The following MGA variants were observed in gnomAD, a reference collection of about 807,000 sequenced individuals.
The protein encoded by MGA is MAX gene-associated protein.
Under a neutral mutation model 261.1 loss-of-function variants are expected in MGA, and 40 were observed. The ratio of observed to expected loss-of-function variants is 0.15; its 90% CI spans 0.12 to 0.20. The LOEUF (loss-of-function observed/expected upper bound fraction) is 0.20, where lower values mean the gene tolerates loss of function less well. Ranked by LOEUF, MGA falls within the 10% of genes least tolerant of loss-of-function variation. The pLI is 1.00. For synonymous variants in MGA, 1,302 were observed against 1,290.6 expected (o/e 1.01, Z -0.19); for missense variants, 3,397 against 3,630.5 (o/e 0.94, Z 1.65).
intron 2 of MGA, among the ~76,000 whole-genome samples, chr15:41,691,196 TG>T (rs1363967683): frequency 6.6e-6 from 1 of 152,170 alleles, no homozygotes; most frequent in African/African-American, 2.4e-5. Flanking sequence ...CTATTTATTT[TG>T]GTCTTTAATT....
chr15:41,694,878 C>G (rs1260419234), intron 2 of MGA, among the ~76,000 whole-genome samples: 4 of 152,118 alleles, frequency 2.6e-5, no homozygotes, highest in African/African-American at 9.7e-5. Context: ...ACAAGCAGTC[C>G]TGGCACCTCA....
Position 41,710,813 on chromosome 15 carries a change from A to C in MGA, c.2548A>C (p.Thr850Pro). The C allele has an allele frequency of 1.2e-6, 2 of 1,614,000 alleles. No individual in the cohort carries two copies. The highest frequency in any genetic ancestry group is 1.7e-6 in the Non-Finnish European group (2 of 1,179,882). Residue 850 changes from threonine (T) to proline (P), a missense_variant, in exon 8 of 24, where the codon ACA becomes CCA. By Grantham distance (38) the Thr-to-Pro change is conservative. Coordinates refer to ENST00000219905, the MANE Select transcript of MGA (RefSeq NM_001164273.2). Reference sequence around the variant, plus strand: ...CATGGGTTTTTCTTCTAATGCTCCCACATCTCCTGTGGTGTACCAGCTTCC... The same window carrying C: ...CATGGGTTTTTCTTCTAATGCTCCCCCATCTCCTGTGGTGTACCAGCTTCC...
chr15:41,739,911 T>C (rs758953466), intron 13 of MGA: 1 of 1,611,484 alleles, frequency 6.2e-7, no homozygotes, highest in Non-Finnish European at 8.5e-7. Flanking sequence ...TTCAGGTTAA[T>C]GGTAAGAGTT....
At chr15:41,718,014 C>CA (rs759110458) in intron 9 of MGA, among the ~76,000 whole-genome samples, 1,306 of 90,212 alleles carry the variant, frequency 0.014, 11 homozygotes, top group African/African-American at 0.046. Flanking sequence ...GACCCTGTCT[C>CA]AAAAAAAAAA....
chr15:41,768,252 C>A lies in MGA; in HGVS notation c.*972C>A, dbSNP rs1031448651. The stretch of plus-strand genomic sequence containing the variant: ...ATGTAAAGAAAAGTCACAGTAGGCA[C>A]TCTTTACCAGGGAAATAAGGCAGTA... On this transcript the variant is annotated 3_prime_UTR_variant, in exon 24 of 24. Transcript: ENST00000219905. The A allele has an allele frequency of 6.6e-6, 1 of 152,636 alleles. No individual in the cohort carries two copies. The highest frequency in any genetic ancestry group is 1.9e-4 in the East Asian group (1 of 5,198). 9.5% of individuals were successfully genotyped at this position (152,636 alleles called of 1,614,324 possible). A position where few individuals can be genotyped will look rare whatever the true frequency, so the allele number is the denominator to read the frequency against.
intron 19 of MGA, 46 bp from the exon 20 acceptor site, chr15:41,760,276 GC>G (rs748814010): frequency 2.5e-6 from 4 of 1,579,402 alleles, no homozygotes; most frequent in Middle Eastern, 1.7e-4. Context: ...GAGTAAGAGG[GC>G]CAACTACATG....
chr15:41,728,542 A>T (rs1013322437), intron 10 of MGA, among the ~76,000 whole-genome samples: 1 of 152,224 alleles, frequency 6.6e-6, no homozygotes, highest in African/African-American at 2.4e-5. Flanking sequence ...AGCTATAGAA[A>T]AGAAAATGTT....
rs377516855 is a variant in MGA, at chr15:41,640,445, G to A, written c.-68+19147G>A. Reference sequence around the variant, plus strand: ...TAGAGAAGCGATACAGTTTCTTATCGTTGATGTAAGATTGTACATCATTTG... The same window carrying A: ...TAGAGAAGCGATACAGTTTCTTATCATTGATGTAAGATTGTACATCATTTG... On this transcript the variant is annotated intron_variant, in intron 1 of 8. Transcript: ENST00000566718. Among the ~76,000 whole-genome samples, 6 of 152,222 alleles carry A rather than the reference G, an allele frequency of 3.9e-5. No individual in the cohort carries two copies. The South Asian group carries it at 1.0e-3, about 26-fold the overall frequency.
intron 11 of MGA, 24 bp downstream of exon 11, chr15:41,729,373 C>G (rs758620160): frequency 1.3e-6 from 2 of 1,586,014 alleles, no homozygotes; most frequent in East Asian, 2.2e-5. Flanking sequence ...TGCATAAGTT[C>G]TTTTTAACTT....
chr15:41,639,475 C>T (rs1219261578), intron 1 of MGA, among the ~76,000 whole-genome samples: 2 of 151,372 alleles, frequency 1.3e-5, no homozygotes, highest in Non-Finnish European at 2.9e-5. Context: ...GTTGGATCCC[C>T]CTATCTAATT....
At chr15:41,653,081 G>A (rs2057100444) in intron 1 of MGA, among the ~76,000 whole-genome samples, 1 of 151,962 alleles carries the variant, frequency 6.6e-6, no homozygotes, top group Admixed American at 6.6e-5. Flanking sequence ...TTTAAAACAG[G>A]TGTAGCTGGG....
chr15:41,671,865 A>G (rs1212489939), intron 2 of MGA, among the ~76,000 whole-genome samples: 2 of 152,190 alleles, frequency 1.3e-5, no homozygotes, highest in African/African-American at 2.4e-5. Flanking sequence ...CAAGCAATGC[A>G]TAGTTTTTTT....
chr15:41,729,056 A>G (rs1239078623), intron 10 of MGA, 108 bp from the exon 11 acceptor site: 14 of 1,166,254 alleles, frequency 1.2e-5, no homozygotes, highest in African/African-American at 3.1e-5. Flanking sequence ...TTTGCATTAA[A>G]AAATTTCGAC....
chr15:41,690,547 A>T (rs2059222159), intron 2 of MGA, among the ~76,000 whole-genome samples: 1 of 152,108 alleles, frequency 6.6e-6, no homozygotes, highest in African/African-American at 2.4e-5. Flanking sequence ...CTGTATATCT[A>T]GTCTTAATGT....
chr15:41,655,069 C>G (rs2057136374), intron 1 of MGA, among the ~76,000 whole-genome samples: 1 of 151,994 alleles, frequency 6.6e-6, no homozygotes, highest in Admixed American at 6.6e-5. Flanking sequence ...AGATACTGTC[C>G]CCTGCAGGAT....
In MGA at chr15:41,669,015, T is replaced by C. The variant is rs779139456; in HGVS notation, c.121T>C (p.Leu41=). 3 of 1,613,562 alleles carry C rather than the reference T, an allele frequency of 1.9e-6. No individual in the cohort carries two copies. The highest frequency in any genetic ancestry group is 1.7e-5 in the Admixed American group (1 of 59,986). ...AAATGGCAAAACTGATCAAGGAATT[T>C]TGGTTACTAATCAGGATGCCTGTGC... Residue 41 remains leucine, a synonymous_variant, in exon 2 of 24, where the codon TTG becomes CTG. Transcript: ENST00000219905.
At chr15:41,672,099 G>C (rs746828079) in intron 2 of MGA, among the ~76,000 whole-genome samples, 4 of 152,198 alleles carry the variant, frequency 2.6e-5, no homozygotes, top group Non-Finnish European at 5.9e-5. Context: ...AGAATTTATT[G>C]AAATTCCTTT....
At position 41,767,388 on chromosome 15, in the gene MGA, C is replaced by A; in HGVS notation, c.*108C>A. 1 of 1,178,046 alleles carries A rather than the reference C, an allele frequency of 8.5e-7. No individual in the cohort carries two copies. Among genetic ancestry groups the A allele is most frequent in the Non-Finnish European group, 1.2e-6 (1 of 836,350 alleles). The allele number at this position is 1,178,046 out of a possible 1,614,324, so 73.0% of individuals were successfully genotyped here. Reference sequence around the variant, plus strand: ...GTCTTAGAACTTGGATCCTTGACTTCAATGATGCAGTGGATAATGATGGGA... The same window carrying A: ...GTCTTAGAACTTGGATCCTTGACTTAAATGATGCAGTGGATAATGATGGGA... On this transcript the variant is annotated 3_prime_UTR_variant, in exon 24 of 24. Transcript: ENST00000219905.
rs969452020 is a variant in MGA, at chr15:41,749,497, G to T, written c.5890G>T (p.Ala1964Ser). 6.2e-7 allele frequency: 1 copy of T among 1,613,940 alleles called. No homozygotes were observed. Among genetic ancestry groups the T allele is most frequent in the Admixed American group, 1.7e-5 (1 of 60,012 alleles). The change falls in exon 17 of 24, where the codon GCT becomes TCT. Residue 1964 changes from alanine to serine, a missense_variant. Ala to Ser is a moderately conservative substitution (Grantham distance 99, BLOSUM62 1). Transcript: ENST00000219905. Reference sequence around the variant, plus strand: ...TCCTAGCTCCATTCTTCAGCATGTTGCTTCCCTTCAGATGAAGAGAGAATC... The same window carrying T: ...TCCTAGCTCCATTCTTCAGCATGTTTCTTCCCTTCAGATGAAGAGAGAATC...
Sources: allele counts gnomAD v4.1 joint callset (sites outside exome capture counted in the v4.1 genomes callset), GRCh38; gene constraint gnomAD v4.1.1; transcripts MANE v1.5; gene names NCBI Gene and HGNC (gene_info 2026-07-23, HGNC 2026-07-21).